The following PLPPR1 variants were observed in gnomAD, a reference collection of about 807,000 sequenced individuals.
PLPPR1 encodes phospholipid phosphatase related 1, also known as phospholipid phosphatase-related protein type 1.
A neutral mutation model predicts 33.1 loss-of-function variants in PLPPR1; 10 were observed. The ratio of observed to expected loss-of-function variants is 0.30; its 90% CI spans 0.19 to 0.51. The LOEUF is 0.51. Among genes scored for constraint, PLPPR1 ranks in the 20% least tolerant of loss-of-function variants. The pLI is 0.97. For synonymous variants in PLPPR1, 151 were observed against 151.0 expected, an observed-to-expected ratio of 1.00 and a Z score of 0.00; for missense variants, 304 against 408.1, an observed-to-expected ratio of 0.74 and a Z score of 2.20.
intron 1 of PLPPR1, among the ~76,000 whole-genome samples, chr9:101,097,104 C>T (rs1167714223): frequency 1.3e-5 from 2 of 152,174 alleles, no homozygotes; most frequent in Admixed American, 6.5e-5. Context: ...GGGTGTGTGA[C>T]ATCTAAGTCA....
rs1564015054 is a variant in PLPPR1 at position 101,246,093 on chromosome 9, T to TAG, written c.64-23786_64-23785insGA. 3.0e-3 allele frequency among the ~76,000 whole-genome samples: 310 copies of TAG among 101,848 alleles called. 5 individuals are homozygous for TAG. Among genetic ancestry groups the TAG allele is most frequent in the Middle Eastern group, 9.4e-3 (2 of 212 alleles). The allele number at this position is 101,848 out of a possible 152,430, so 66.8% of individuals were successfully genotyped here. On this transcript the variant is annotated intron_variant, in intron 2 of 7. Coordinates refer to ENST00000374874, the MANE Select transcript of PLPPR1 (RefSeq NM_207299.2). ...ATATATATATATATATATATATATA[T>TAG]ATATATATATATATATAGATAGATA...
intron 1 of PLPPR1, among the ~76,000 whole-genome samples, chr9:101,057,547 A>G (rs79315443): frequency 6.6e-6 from 1 of 152,000 alleles, no homozygotes; most frequent in Admixed American, 6.6e-5. Context: ...TAAAAAAAAA[A>G]TACCTCATTT....
intron 6 of PLPPR1, among the ~76,000 whole-genome samples, chr9:101,315,875 T>C (rs1829041914): frequency 6.6e-6 from 1 of 152,210 alleles, no homozygotes; most frequent in Non-Finnish European, 1.5e-5. Context: ...TAGTGCTTTA[T>C]GTTTGTGGTT....
intron 5 of PLPPR1, among the ~76,000 whole-genome samples, chr9:101,311,554 A>C (rs1313491162): frequency 6.6e-6 from 1 of 152,226 alleles, no homozygotes; most frequent in Non-Finnish European, 1.5e-5. Flanking sequence ...GAATATATGC[A>C]GCATAGGTTT....
chr9:101,261,966 A>G (rs10124619), intron 2 of PLPPR1, among the ~76,000 whole-genome samples: 76,290 of 151,704 alleles, frequency 0.5, 20,534 homozygotes, highest in African/African-American at 0.71. Context: ...TCCTGCACAT[A>G]TACCCCTGAA....
chr9:101,311,405 A>G (rs1008063432), intron 5 of PLPPR1, among the ~76,000 whole-genome samples: 9 of 152,210 alleles, frequency 5.9e-5, no homozygotes, highest in South Asian at 2.1e-4. Flanking sequence ...AAATTACTCA[A>G]CAAGGATTTC....
chr9:101,059,554 G>T (rs1328485656), intron 1 of PLPPR1, among the ~76,000 whole-genome samples: 3 of 152,006 alleles, frequency 2.0e-5, no homozygotes, highest in Non-Finnish European at 2.9e-5. Flanking sequence ...TTACATATTT[G>T]CAAACCATAT....
intron 1 of PLPPR1, among the ~76,000 whole-genome samples, chr9:101,112,072 G>A (rs1355786316): frequency 3.3e-5 from 5 of 152,068 alleles, no homozygotes. Context: ...TTATCAGCAG[G>A]CATACATGTC....
chr9:101,273,950 T>C (rs991494043), intron 3 of PLPPR1, among the ~76,000 whole-genome samples: 2 of 152,216 alleles, frequency 1.3e-5, no homozygotes, highest in African/African-American at 4.8e-5. Flanking sequence ...GTAAAAGTGA[T>C]AGGTCTTCTT....
At chr9:101,279,665 G>A (rs1828261292) in intron 3 of PLPPR1, among the ~76,000 whole-genome samples, 1 of 152,154 alleles carries the variant, frequency 6.6e-6, no homozygotes, top group African/African-American at 2.4e-5. Context: ...TAAGAGGAAT[G>A]TTGGAAACTA....
chr9:101,312,592 C>T (rs1019453721), intron 5 of PLPPR1, among the ~76,000 whole-genome samples: 9 of 152,168 alleles, frequency 5.9e-5, no homozygotes, highest in Admixed American at 6.5e-5. Context: ...GAATGTACAT[C>T]TGTTCATTGT....
chr9:101,267,578 A>G lies in PLPPR1; in HGVS notation c.64-2302A>G, dbSNP rs114553344. 8.0e-3 allele frequency among the ~76,000 whole-genome samples: 1,223 copies of G among 152,338 alleles called. 18 individuals are homozygous for G. Among genetic ancestry groups the G allele is most frequent in the African/African-American group, 0.028 (1,184 of 41,584 alleles). ...GATACTAGAAGAATGTAATCCATAA[A>G]CAGTCAGAAACAAGTCATGTGTAAG... On this transcript the variant is annotated intron_variant, in intron 2 of 7. Coordinates refer to ENST00000374874, the MANE Select transcript of PLPPR1 (RefSeq NM_207299.2).
chr9:101,090,065 A>T (rs1413628818), intron 1 of PLPPR1, among the ~76,000 whole-genome samples: 1 of 152,152 alleles, frequency 6.6e-6, no homozygotes, highest in East Asian at 1.9e-4. Flanking sequence ...AGCCCCAGAC[A>T]TATTCCTTGG....
intron 1 of PLPPR1, among the ~76,000 whole-genome samples, chr9:101,044,764 C>T (rs912878850): frequency 2.0e-5 from 3 of 152,132 alleles, no homozygotes; most frequent in African/African-American, 7.2e-5. Context: ...GGATATAAAT[C>T]ACCCTAGGAT....
chr9:101,043,270 C>G (rs1161861490), intron 1 of PLPPR1, among the ~76,000 whole-genome samples: 1 of 151,252 alleles, frequency 6.6e-6, no homozygotes, highest in African/African-American at 2.4e-5. Flanking sequence ...AGTATTCCAT[C>G]ATATATATAT....
Position 101,309,288 on chromosome 9 carries a change from T to C in PLPPR1, c.463T>C (p.Tyr155His). 6.2e-7 allele frequency: 1 copy of C among 1,614,188 alleles called. No individual in the cohort carries two copies. The highest frequency in any genetic ancestry group is 8.5e-7 in the Non-Finnish European group (1 of 1,180,030). ...AGTGGTCACTGGGCACTTAACGCCA[T>C]ACTTCCTGACTGTGTGCAAGCCAAA... ...GQVVTGHLTP[Y>H]FLTVCKPNYT... Residue 155 changes from tyrosine to histidine, a missense_variant, in exon 5 of 8, where the codon TAC becomes CAC. By Grantham distance (83) the Tyr-to-His change is moderately conservative (BLOSUM62 2). Transcript: ENST00000374874.
Position 101,325,037 on chromosome 9 carries a change from A to G in PLPPR1, c.*980A>G, listed in dbSNP as rs956911579. The G allele has an allele frequency of 6.6e-6, 1 of 152,332 alleles. No homozygotes were observed. The highest frequency in any genetic ancestry group is 1.9e-4 in the East Asian group (1 of 5,196). 9.4% of individuals were successfully genotyped at this position (152,332 alleles called of 1,614,324 possible). A position where few individuals can be genotyped will look rare whatever the true frequency, so the allele number is the denominator to read the frequency against. On this transcript the variant is annotated 3_prime_UTR_variant, in exon 8 of 8. Transcript: ENST00000374874. ...TGAAGGAGCTCTTTTGTCCGTACCT[A>G]TCAGAATGTTTTCTTGACACTTCCA...
At chr9:101,188,501 T>G (rs1826242561) in intron 2 of PLPPR1, among the ~76,000 whole-genome samples, 1 of 152,090 alleles carries the variant, frequency 6.6e-6, no homozygotes, top group Admixed American at 6.6e-5. Context: ...TTTTTTGCCT[T>G]GTCTTATTGC....
chr9:101,154,123 T>A (rs1089140), intron 1 of PLPPR1, among the ~76,000 whole-genome samples: 130,568 of 151,850 alleles, frequency 0.86, 56,339 homozygotes, highest in Admixed American at 0.9. Context: ...AGTATTTTAT[T>A]GAGGATTTTT....
Sources: allele counts gnomAD v4.1 joint callset (sites outside exome capture counted in the v4.1 genomes callset), GRCh38; gene constraint gnomAD v4.1.1; transcripts MANE v1.5; gene names NCBI Gene and HGNC (gene_info 2026-07-23, HGNC 2026-07-21).